The following CEP112 variants were observed in gnomAD, a reference collection of about 807,000 sequenced individuals.
CEP112 encodes the protein centrosomal protein of 112 kDa.
A neutral mutation model predicts 153.0 loss-of-function variants in CEP112; 127 were observed. That is an observed-to-expected ratio of 0.83 (90% CI 0.72 to 0.96). CEP112 has a LOEUF of 0.96. Among genes scored for constraint, CEP112 ranks in the 40% least tolerant of loss-of-function variants. The pLI, the probability that CEP112 is intolerant of heterozygous loss-of-function variation, is 0.00. For synonymous variants in CEP112, 358 were observed against 374.4 expected (o/e 0.96, Z 0.51); for missense variants, 1,089 against 1,101.2 (o/e 0.99, Z 0.16).
At position 65,927,690 on chromosome 17, in the gene CEP112, C is replaced by T; in HGVS notation, c.1873-1G>A. 1 of 1,520,260 alleles carries T rather than the reference C, an allele frequency of 6.6e-7. No homozygotes were observed. Among genetic ancestry groups the T allele is most frequent in the Non-Finnish European group, 8.8e-7 (1 of 1,134,950 alleles). The allele number at this position is 1,520,260 out of a possible 1,614,324, so 94.2% of individuals were successfully genotyped here. On this transcript the variant is annotated splice_acceptor_variant, in intron 18 of 26. Coordinates refer to ENST00000535342, the MANE Select transcript of CEP112 (RefSeq NM_001199165.4). LOFTEE classifies it high-confidence loss of function. ...TTAGATCTGCCTCCACTTTTTCCAT[C>T]TATAAAATTTAAAAATCAAATATTA...
chr17:65,836,150 C>G (rs1380626513), intron 21 of CEP112, among the ~76,000 whole-genome samples: 1 of 152,056 alleles, frequency 6.6e-6, no homozygotes, highest in Non-Finnish European at 1.5e-5. Context: ...AATAGATACA[C>G]TAAAAATAGC....
At chr17:66,082,800 C>G (rs1178167864) in intron 8 of CEP112, among the ~76,000 whole-genome samples, 5 of 151,258 alleles carry the variant, frequency 3.3e-5, no homozygotes, top group Admixed American at 3.3e-4. Flanking sequence ...TATCTGTAGC[C>G]ACCAAAACAA....
intron 6 of CEP112, among the ~76,000 whole-genome samples, chr17:66,124,242 C>T (rs1395662151): frequency 1.3e-5 from 2 of 152,106 alleles, no homozygotes; most frequent in African/African-American, 4.8e-5. Flanking sequence ...ATCCCCTTCT[C>T]CCACTCTTTC....
chr17:65,778,002 C>T (rs2053781135), intron 21 of CEP112, among the ~76,000 whole-genome samples: 1 of 147,836 alleles, frequency 6.8e-6, no homozygotes, highest in African/African-American at 2.5e-5. Flanking sequence ...ATTCTCCTGA[C>T]CTGTCTCCCT....
At chr17:65,687,347 A>C (rs1736648313) in intron 24 of CEP112, among the ~76,000 whole-genome samples, 1 of 151,564 alleles carries the variant, frequency 6.6e-6, no homozygotes, top group African/African-American at 2.4e-5. Flanking sequence ...TTGTATTTTT[A>C]GGAGAGACAG....
chr17:65,964,031 C>T (rs1451302600), intron 17 of CEP112, among the ~76,000 whole-genome samples: 1 of 152,222 alleles, frequency 6.6e-6, no homozygotes, highest in Non-Finnish European at 1.5e-5. Context: ...ACAGTTAAGC[C>T]ATTCCAGGTC....
At chr17:65,935,537 A>C (rs1040604576) in intron 18 of CEP112, among the ~76,000 whole-genome samples, 1 of 152,234 alleles carries the variant, frequency 6.6e-6, no homozygotes, top group African/African-American at 2.4e-5. Flanking sequence ...AGTCTTAACA[A>C]ATTTAAGAGG....
chr17:65,650,729 C>CTAAAAA (rs1339888411), intron 24 of CEP112, among the ~76,000 whole-genome samples: 2 of 30,528 alleles, frequency 6.6e-5, no homozygotes, highest in South Asian at 8.5e-4. Context: ...AAACTCTCTA[C>CTAAAAA]TAAAAAAAAA....
At chr17:65,806,470 T>C (rs1420016478) in intron 21 of CEP112, among the ~76,000 whole-genome samples, 2 of 152,196 alleles carry the variant, frequency 1.3e-5, no homozygotes, top group African/African-American at 2.4e-5. Context: ...GGTGATTAGA[T>C]CATGAGGGCT....
intron 19 of CEP112, among the ~76,000 whole-genome samples, chr17:65,920,429 TAC>T (rs2060682214): frequency 1.5e-5 from 2 of 129,400 alleles, no homozygotes; most frequent in Non-Finnish European, 3.2e-5. Context: ...ATATGCATTA[TAC>T]ATATATTTTA....
chr17:66,129,724 T>C (rs1233818095), intron 6 of CEP112, 22 bp downstream of exon 6: 74 of 1,536,482 alleles, frequency 4.8e-5, no homozygotes, highest in Non-Finnish European at 6.6e-5. Flanking sequence ...TATATATACA[T>C]AAAGCAAATA....
At chr17:65,679,475 G>A (rs906729687) in intron 24 of CEP112, among the ~76,000 whole-genome samples, 1 of 152,078 alleles carries the variant, frequency 6.6e-6, no homozygotes, top group African/African-American at 2.4e-5. Flanking sequence ...ATGAAACATA[G>A]CTTTGAGTTG....
intron 24 of CEP112, among the ~76,000 whole-genome samples, chr17:65,683,498 G>C (rs2047631129): frequency 6.6e-6 from 1 of 152,218 alleles, no homozygotes; most frequent in Non-Finnish European, 1.5e-5. Flanking sequence ...GAGCCTTCAA[G>C]AGAAGGCTGG....
At chr17:66,075,559 A>C (rs2067461065) in intron 8 of CEP112, among the ~76,000 whole-genome samples, 1 of 152,244 alleles carries the variant, frequency 6.6e-6, no homozygotes, top group Non-Finnish European at 1.5e-5. Context: ...GTGGAAACGA[A>C]CACCAACAAG....
At chr17:65,985,233 G>A (rs776599571) in intron 17 of CEP112, among the ~76,000 whole-genome samples, 1 of 152,196 alleles carries the variant, frequency 6.6e-6, no homozygotes, top group East Asian at 1.9e-4. Flanking sequence ...GAGATACCAA[G>A]AGGGCCCTGA....
intron 24 of CEP112, among the ~76,000 whole-genome samples, chr17:65,668,045 C>T (rs1456002157): frequency 2.0e-5 from 3 of 152,048 alleles, no homozygotes; most frequent in Non-Finnish European, 2.9e-5. Context: ...TACAAGTGCC[C>T]ACCACCATGC....
intron 17 of CEP112, among the ~76,000 whole-genome samples, chr17:65,984,143 A>G (rs1044677613): frequency 3.3e-5 from 5 of 151,094 alleles, no homozygotes; most frequent in African/African-American, 9.8e-5. Flanking sequence ...ACTTATTTAA[A>G]AATACAATTT....
intron 24 of CEP112, among the ~76,000 whole-genome samples, chr17:65,676,965 C>T (rs930553679): frequency 2.1e-4 from 32 of 152,132 alleles, no homozygotes; most frequent in Non-Finnish European, 1.5e-5. Flanking sequence ...GGATTATCAA[C>T]CCTAAGAAAC....
intron 4 of CEP112, among the ~76,000 whole-genome samples, chr17:66,171,947 T>C (rs746715612): frequency 1.3e-5 from 2 of 152,158 alleles, no homozygotes; most frequent in Non-Finnish European, 2.9e-5. Context: ...CGCTATAAAC[T>C]ACATCTAAGC....
Sources: allele counts gnomAD v4.1 joint callset (sites outside exome capture counted in the v4.1 genomes callset), GRCh38; gene constraint gnomAD v4.1.1; transcripts MANE v1.5; gene names NCBI Gene and HGNC (gene_info 2026-07-23, HGNC 2026-07-21).